ADCY10: variants seen among roughly 807,000 people sequenced by gnomAD.
ADCY10 encodes the protein adenylate cyclase 10.
In ADCY10, 156 loss-of-function variants were observed where a neutral mutation model predicts 183.3. That is an observed-to-expected ratio of 0.85 (90% CI 0.75 to 0.97). The LOEUF (loss-of-function observed/expected upper bound fraction) is 0.97, where lower values mean the gene tolerates loss of function less well. ADCY10 is among the 50% of genes least tolerant of loss of function. The pLI is 0.00. For synonymous variants in ADCY10, 645 were observed against 670.0 expected (o/e 0.96, Z 0.58); for missense variants, 1,745 against 1,934.3 (o/e 0.90, Z 1.84).
At chr1:167,912,641 CCTCT>C (rs1310156283) in intron 1 of ADCY10, among the ~76,000 whole-genome samples, 2 of 152,232 alleles carry the variant, frequency 1.3e-5, no homozygotes, top group East Asian at 1.9e-4. Context: ...AGCCCCCCTC[CCTCT>C]GTCTCTGTAT....
chr1:167,866,333 TC>T (rs1666683627), intron 14 of ADCY10, among the ~76,000 whole-genome samples: 1 of 152,190 alleles, frequency 6.6e-6, no homozygotes, highest in African/African-American at 2.4e-5. Context: ...GAATACCAGA[TC>T]AATTTAAAGC....
intron 8 of ADCY10, among the ~76,000 whole-genome samples, chr1:167,885,588 T>C (rs772750552): frequency 6.6e-6 from 1 of 152,206 alleles, no homozygotes; most frequent in Non-Finnish European, 1.5e-5. Flanking sequence ...TTGTTTGCCA[T>C]TTGTATGTCT....
At chr1:167,866,750 T>TAAA (rs368735411) in intron 14 of ADCY10, among the ~76,000 whole-genome samples, 5,192 of 123,002 alleles carry the variant, frequency 0.042, 341 homozygotes, top group East Asian at 0.25. Flanking sequence ...AAAGTTCACT[T>TAAA]AAAAAAAAAA....
chr1:167,833,736 C>T (rs58981243), intron 24 of ADCY10, among the ~76,000 whole-genome samples: 111 of 138,172 alleles, frequency 8.0e-4, no homozygotes, highest in African/African-American at 3.1e-3. Context: ...CACAGCAAGA[C>T]TCCCTCTCAA....
chr1:167,824,317 T>C (rs1399309596), intron 28 of ADCY10, among the ~76,000 whole-genome samples, 159 bp downstream of exon 28: 1 of 152,168 alleles, frequency 6.6e-6, no homozygotes, highest in Non-Finnish European at 1.5e-5. Flanking sequence ...AGCAAGACTC[T>C]GTCTGAAAAA....
chr1:167,866,195 G>A (rs1026727622), intron 14 of ADCY10, among the ~76,000 whole-genome samples: 20 of 152,146 alleles, frequency 1.3e-4, no homozygotes, highest in African/African-American at 4.8e-4. Context: ...AGTCCAGTTG[G>A]CTATCCCTTT....
At chr1:167,876,723 C>T (rs1201411035) in intron 12 of ADCY10, among the ~76,000 whole-genome samples, 6 of 152,196 alleles carry the variant, frequency 3.9e-5, no homozygotes, top group African/African-American at 1.4e-4. Flanking sequence ...GCATTAATGG[C>T]CCCAGTACCT....
intron 25 of ADCY10, among the ~76,000 whole-genome samples, chr1:167,831,862 A>G (rs895738436): frequency 6.6e-6 from 1 of 152,332 alleles, no homozygotes; most frequent in Non-Finnish European, 1.5e-5. Flanking sequence ...AAATTGAGGC[A>G]TCCTGCAACC....
At chr1:167,872,037 A>C (rs964690949) in intron 13 of ADCY10, among the ~76,000 whole-genome samples, 4 of 151,974 alleles carry the variant, frequency 2.6e-5, no homozygotes, top group Non-Finnish European at 5.9e-5. Context: ...AAAATAAATA[A>C]ATAAAAAATA....
chr1:167,851,518 T>C (rs1401705353), intron 18 of ADCY10, among the ~76,000 whole-genome samples: 1 of 152,134 alleles, frequency 6.6e-6, no homozygotes, highest in African/African-American at 2.4e-5. Flanking sequence ...AATATAGTTA[T>C]CACCTTCAAG....
In ADCY10 at chr1:167,810,904, T is replaced by C. The variant is rs1662166756; in HGVS notation, c.4492A>G (p.Asn1498Asp). 3.1e-6 allele frequency: 5 copies of C among 1,613,994 alleles called. No homozygotes were observed. Among genetic ancestry groups the C allele is most frequent in the Non-Finnish European group, 4.2e-6 (5 of 1,180,006 alleles). Residue 1498 changes from asparagine (N) to aspartate (D), a missense_variant, in exon 32 of 33, where the codon AAT becomes GAT. By Grantham distance (23) the Asn-to-Asp change is conservative (BLOSUM62 1). Transcript: ENST00000367851. ...CCAGTGGTATTTTGAGCCACCAGAT[T>C]CTCCAAGTTCTAAAGAAAAAAAACC... ...SGEELLKNLENLVAQNTTGPV... is the reference protein window; with the variant it reads ...SGEELLKNLEDLVAQNTTGPV...
chr1:167,815,670 CAT>C (rs1400882962), intron 31 of ADCY10, among the ~76,000 whole-genome samples: 2 of 152,116 alleles, frequency 1.3e-5, no homozygotes, highest in Non-Finnish European at 2.9e-5. Flanking sequence ...AAGGCAAAAA[CAT>C]AGTTTGAAAA....
At chr1:167,894,372 C>T (rs1244462900) in intron 7 of ADCY10, among the ~76,000 whole-genome samples, 8 of 152,082 alleles carry the variant, frequency 5.3e-5, no homozygotes, top group African/African-American at 1.9e-4. Flanking sequence ...AGGCTTGATA[C>T]CGCTTCACTG....
In ADCY10 at chr1:167,818,124, T is replaced by C. The variant is rs1377866855; in HGVS notation, c.4430A>G (p.Gln1477Arg). ...MEGQVLHLQK[Q>R]IKEQSENAQA... ...GGCATTCTCTGACTGTTCTTTGATTTGTTTTTGAAGGTGAAGAACTTGCCC... is the reference window on the plus strand; with the variant it reads ...GGCATTCTCTGACTGTTCTTTGATTCGTTTTTGAAGGTGAAGAACTTGCCC... The change falls in exon 31 of 33, where the codon CAA (glutamine) becomes CGA (arginine). Residue 1477 changes from glutamine (Q) to arginine (R), a missense_variant. Transcript: ENST00000367851. 1.9e-6 allele frequency: 3 copies of C among 1,614,244 alleles called. No individual in the cohort carries two copies. The Admixed American group carries it at 5.0e-5, about 27-fold the overall frequency.
chr1:167,855,444 A>C (rs750373112), intron 17 of ADCY10, among the ~76,000 whole-genome samples: 4 of 152,276 alleles, frequency 2.6e-5, no homozygotes, highest in Non-Finnish European at 5.9e-5. Context: ...CCATAGACAG[A>C]GAACACCAAT....
At chr1:167,862,892 T>C (rs1354642177) in intron 14 of ADCY10, among the ~76,000 whole-genome samples, 1 of 152,194 alleles carries the variant, frequency 6.6e-6, no homozygotes, top group African/African-American at 2.4e-5. Context: ...ACCACTGTTA[T>C]TGAATACCAT....
At position 167,903,950 on chromosome 1, in the gene ADCY10, T is replaced by C. The variant is rs779057587; in HGVS notation, c.190A>G (p.Met64Val). 1.2e-6 allele frequency: 2 copies of C among 1,614,112 alleles called. No individual in the cohort carries two copies. Among genetic ancestry groups the C allele is most frequent in the Non-Finnish European group, 8.5e-7 (1 of 1,179,952 alleles). ...ACCAACTGCTCAGCCCCTCTGTCCATGTACATGGCACTGCTGAACTTCTCA... is the reference window on the plus strand; with the variant it reads ...ACCAACTGCTCAGCCCCTCTGTCCACGTACATGGCACTGCTGAACTTCTCA... ...MTEKFSSAMY[M>V]DRGAEQLVEI... Residue 64 changes from methionine to valine, a missense_variant, in exon 3 of 33, where the codon ATG (methionine) becomes GTG (valine). Met to Val is a conservative substitution (Grantham distance 21, BLOSUM62 1). Coordinates refer to ENST00000367851, the MANE Select transcript of ADCY10 (RefSeq NM_018417.6).
intron 14 of ADCY10, 46 bp from the exon 15 acceptor site, chr1:167,861,109 T>C: frequency 6.6e-7 from 1 of 1,521,630 alleles, no homozygotes; most frequent in Middle Eastern, 1.9e-4. Flanking sequence ...TTTAAATATA[T>C]ATTTTTGAAA....
chr1:167,900,298 C>G (rs1257690126), intron 5 of ADCY10, among the ~76,000 whole-genome samples: 7 of 152,184 alleles, frequency 4.6e-5, no homozygotes, highest in Middle Eastern at 6.8e-3. Context: ...AGGGCTGACT[C>G]CCCCCTGATT....
Sources: allele counts gnomAD v4.1 joint callset (sites outside exome capture counted in the v4.1 genomes callset), GRCh38; gene constraint gnomAD v4.1.1; transcripts MANE v1.5; gene names NCBI Gene and HGNC (gene_info 2026-07-23, HGNC 2026-07-21).